Variants in DDX31 observed in about 807,000 individuals in gnomAD.
DDX31 encodes the protein DEAD-box helicase 31.
A neutral mutation model predicts 91.3 loss-of-function variants in DDX31; 70 were observed. The ratio of observed to expected loss-of-function variants is 0.77; its 90% confidence interval spans 0.63 to 0.94. DDX31 has a LOEUF of 0.94. Among genes scored for constraint, DDX31 ranks in the 40% least tolerant of loss-of-function variants. The pLI, the probability that DDX31 is intolerant of heterozygous loss-of-function variation, is 0.00. For missense variants in DDX31, 902 were observed against 925.0 expected (o/e 0.98, Z 0.32); for synonymous variants, 362 against 350.6 (o/e 1.03, Z -0.36).
chr9:132,650,344 T>C, intron 8 of DDX31, 46 bp from the exon 9 acceptor site: 2 of 1,569,138 alleles, frequency 1.3e-6, no homozygotes, highest in Non-Finnish European at 1.8e-6. Context: ...CCCCCTTTAC[T>C]AACATCAGAC....
Position 132,658,489 on chromosome 9 carries a change from T to C in DDX31, c.588+182A>G, listed in dbSNP as rs868429038. On this transcript the variant is annotated intron_variant, in intron 6 of 19. Coordinates refer to ENST00000372159, the MANE Select transcript of DDX31 (RefSeq NM_022779.9). ...CTTACTATGACAATTGTGAAGTGTA[T>C]TTATTCTACTCTAGGCACAGTCTCT... is the stretch of plus-strand genomic sequence containing the variant. 1.6e-5 allele frequency: 11 copies of C among 674,118 alleles called. No homozygotes were observed. In the Middle Eastern group the frequency reaches 1.9e-3, roughly 118 times the overall value. The allele number at this position is 674,118 out of a possible 1,614,324, so 41.8% of individuals were successfully genotyped here.
intron 14 of DDX31, 146 bp from the exon 15 acceptor site, chr9:132,632,237 CGTGT>C (rs760756700): frequency 6.7e-5 from 20 of 297,952 alleles, no homozygotes; most frequent in East Asian, 4.0e-4. Flanking sequence ...ATGCCCAGTA[CGTGT>C]ACACACACAC....
At chr9:132,612,919 A>C (rs780793990) in intron 18 of DDX31, among the ~76,000 whole-genome samples, 3 of 152,152 alleles carry the variant, frequency 2.0e-5, no homozygotes, top group Non-Finnish European at 2.9e-5. Flanking sequence ...TTTAAATTTA[A>C]AATTTTTTAA....
chr9:132,652,351 T>C (rs1564329210), intron 7 of DDX31, 97 bp downstream of exon 7: 2 of 1,413,532 alleles, frequency 1.4e-6, no homozygotes, highest in Non-Finnish European at 2.0e-6. Flanking sequence ...CAGTGGCTTG[T>C]GCAGTAGGGA....
chr9:132,648,053 GTCT>G (rs1833944808), intron 11 of DDX31, 133 bp downstream of exon 11: 1 of 648,034 alleles, frequency 1.5e-6, no homozygotes, highest in African/African-American at 1.9e-5. Flanking sequence ...TGAAAAGGCA[GTCT>G]TCTAAGGACA....
At chr9:132,666,819 G>A (rs372281275) in intron 1 of DDX31, among the ~76,000 whole-genome samples, 306 of 151,974 alleles carry the variant, frequency 2.0e-3, no homozygotes, top group African/African-American at 6.8e-3. Flanking sequence ...GCATTGTCCT[G>A]CCTCAGCCTC....
intron 4 of DDX31, among the ~76,000 whole-genome samples, chr9:132,660,751 C>T (rs72767888): frequency 0.04 from 6,038 of 152,214 alleles, 180 homozygotes; most frequent in Non-Finnish European, 0.064. Flanking sequence ...CTCATCTCCT[C>T]GCACCTATTT....
intron 18 of DDX31, among the ~76,000 whole-genome samples, chr9:132,615,670 T>C (rs891727681): frequency 2.6e-5 from 4 of 152,160 alleles, no homozygotes; most frequent in Non-Finnish European, 5.9e-5. Flanking sequence ...ACAGAAGCAA[T>C]GGTCATTTGC....
At chr9:132,663,158 G>A (rs1368396877) in intron 1 of DDX31, 4 of 1,287,624 alleles carry the variant, frequency 3.1e-6, no homozygotes, top group Non-Finnish European at 3.0e-6. Context: ...AGACCGCACA[G>A]GAGAGAGGGG....
intron 13 of DDX31, among the ~76,000 whole-genome samples, chr9:132,644,266 T>C (rs887505653): frequency 6.6e-5 from 10 of 152,150 alleles, no homozygotes; most frequent in South Asian, 4.1e-4. Context: ...TTTTAAACTA[T>C]AAAAAAAGAA....
Position 132,642,193 on chromosome 9 carries a change from A to G in DDX31, c.1381-130T>C, listed in dbSNP as rs531736728. 39 of 791,398 alleles carry G rather than the reference A, an allele frequency of 4.9e-5. No homozygotes were observed. The African/African-American group carries it at 5.4e-4, about 11-fold the overall frequency. The allele number at this position is 791,398 out of a possible 1,614,324, so 49.0% of individuals were successfully genotyped here. A position where few individuals can be genotyped will look rare whatever the true frequency, so the allele number is the denominator to read the frequency against. On this transcript the variant is annotated intron_variant, in intron 13 of 19. Transcript: ENST00000372159. ...TTCAGGCACAGAGAGGTTTGCCAGG[A>G]AAGAGGAAGAAGCGGATTCTTTACA... is the stretch of plus-strand genomic sequence containing the variant.
chr9:132,654,945 C>CAAAA (rs140953433), intron 6 of DDX31, among the ~76,000 whole-genome samples: 13 of 89,940 alleles, frequency 1.4e-4, no homozygotes, highest in African/African-American at 2.2e-4. Flanking sequence ...GACTCTGTCT[C>CAAAA]AAAAAAAAAA....
chr9:132,639,637 A>G (rs1833361100), intron 14 of DDX31, among the ~76,000 whole-genome samples: 1 of 152,262 alleles, frequency 6.6e-6, no homozygotes, highest in Non-Finnish European at 1.5e-5. Flanking sequence ...TAACTATTTC[A>G]GAAAGAATAA....
intron 16 of DDX31, among the ~76,000 whole-genome samples, chr9:132,627,150 A>C (rs545359996): frequency 6.6e-6 from 1 of 152,330 alleles, no homozygotes; most frequent in Admixed American, 6.5e-5. Context: ...AAATGCAAGA[A>C]TTTGGAGTCA....
chr9:132,662,807 T>A, intron 1 of DDX31, 112 bp from the exon 2 acceptor site: 1 of 1,372,314 alleles, frequency 7.3e-7, no homozygotes, highest in Non-Finnish European at 1.0e-6. Context: ...GCAGAGATCA[T>A]TATGCCCCAT....
chr9:132,627,841 T>C (rs1170008511), intron 16 of DDX31, among the ~76,000 whole-genome samples: 2 of 152,208 alleles, frequency 1.3e-5, no homozygotes, highest in Non-Finnish European at 2.9e-5. Flanking sequence ...CCTTCTCCAA[T>C]CTGCCCTGTG....
intron 18 of DDX31, among the ~76,000 whole-genome samples, chr9:132,612,649 G>A (rs1050134337): frequency 6.6e-5 from 10 of 152,100 alleles, no homozygotes; most frequent in African/African-American, 2.2e-4. Flanking sequence ...ACAGGACATC[G>A]TTTTCTTATG....
intron 14 of DDX31, among the ~76,000 whole-genome samples, chr9:132,640,678 T>C (rs1249259694): frequency 1.3e-5 from 2 of 152,080 alleles, no homozygotes; most frequent in Non-Finnish European, 2.9e-5. Context: ...TATTCCTTAA[T>C]ATTTTTTGTA....
intron 18 of DDX31, among the ~76,000 whole-genome samples, chr9:132,614,790 T>C (rs962814720): frequency 2.0e-5 from 3 of 152,106 alleles, no homozygotes; most frequent in African/African-American, 4.8e-5. Flanking sequence ...AAGTGTTTTC[T>C]CCCCAGACAA....
Sources: gnomAD v4.1 joint callset for allele counts (sites outside exome capture counted in the v4.1 genomes callset) on GRCh38, gnomAD v4.1.1 for gene constraint, MANE v1.5 for transcripts, NCBI Gene and HGNC (gene_info 2026-07-23, HGNC 2026-07-21) for gene names.